The following PXDNL variants were observed in gnomAD, a reference collection of about 807,000 sequenced individuals.
PXDNL encodes probable oxidoreductase PXDNL.
PXDNL carries 145 observed loss-of-function variants against 150.8 expected under a neutral mutation model. The ratio of observed to expected loss-of-function variants is 0.96; its 90% CI spans 0.84 to 1.10. The LOEUF (loss-of-function observed/expected upper bound fraction) is 1.10, where lower values mean the gene tolerates loss of function less well. PXDNL is among the 50% of genes least tolerant of loss of function. PXDNL has a pLI of 0.00. For synonymous variants in PXDNL, 757 were observed against 725.7 expected, an observed-to-expected ratio of 1.04 and a Z score of -0.69; for missense variants, 2,087 against 1,873.9, an observed-to-expected ratio of 1.11 and a Z score of -2.10.
At chr8:51,549,606 T>A (rs76224652) in intron 4 of PXDNL, among the ~76,000 whole-genome samples, 1,631 of 152,154 alleles carry the variant, frequency 0.011, 30 homozygotes, top group African/African-American at 0.037. Context: ...TAAATCAAGA[T>A]GGAAATTGAA....
intron 4 of PXDNL, among the ~76,000 whole-genome samples, chr8:51,515,165 A>G (rs1811508688): frequency 6.6e-6 from 1 of 152,164 alleles, no homozygotes; most frequent in Non-Finnish European, 1.5e-5. Flanking sequence ...GGAAGGGGGC[A>G]AGGACAGTGA....
intron 5 of PXDNL, 146 bp from the exon 6 acceptor site, chr8:51,483,860 T>C (rs1171645394): frequency 6.8e-6 from 4 of 592,060 alleles, no homozygotes; most frequent in Non-Finnish European, 1.2e-5. Context: ...GTGTCATTTA[T>C]ACAACCATCT....
chr8:51,780,911 C>T (rs78291984), intron 1 of PXDNL, among the ~76,000 whole-genome samples: 5,437 of 151,322 alleles, frequency 0.036, 315 homozygotes, highest in East Asian at 0.29. Context: ...CCACCTGCCT[C>T]GGCCTCCCAG....
intron 5 of PXDNL, among the ~76,000 whole-genome samples, chr8:51,491,898 T>C (rs1307115975): frequency 6.6e-6 from 1 of 152,242 alleles, no homozygotes; most frequent in African/African-American, 2.4e-5. Context: ...ACCAGGGCTG[T>C]CCTGCACAGG....
chr8:51,652,934 A>T (rs1815072080), intron 2 of PXDNL, among the ~76,000 whole-genome samples: 1 of 152,234 alleles, frequency 6.6e-6, no homozygotes, highest in Non-Finnish European at 1.5e-5. Flanking sequence ...AAAAGTGGCC[A>T]AACCCCAATA....
chr8:51,371,241 G>C (rs1445968094), intron 19 of PXDNL, among the ~76,000 whole-genome samples: 2 of 152,178 alleles, frequency 1.3e-5, no homozygotes, highest in East Asian at 3.9e-4. Flanking sequence ...TTTGGACTTT[G>C]AGAAAGTCAT....
At chr8:51,503,587 T>TA (rs1811229268) in intron 4 of PXDNL, among the ~76,000 whole-genome samples, 3 of 152,182 alleles carry the variant, frequency 2.0e-5, no homozygotes, top group Admixed American at 2.0e-4. Context: ...AGGCTGTGGA[T>TA]AACCCTGCCA....
At chr8:51,577,926 AG>A (rs1467515260) in intron 3 of PXDNL, among the ~76,000 whole-genome samples, 3 of 35,532 alleles carry the variant, frequency 8.4e-5, no homozygotes, top group Non-Finnish European at 6.2e-5. Context: ...AAGAAAGAAA[AG>A]AAAGAAAGAA....
chr8:51,694,060 A>G (rs146866071), intron 1 of PXDNL, among the ~76,000 whole-genome samples: 2,611 of 152,286 alleles, frequency 0.017, 45 homozygotes, highest in Admixed American at 0.058. Flanking sequence ...CCTTCCACCC[A>G]CCAATGGGAG....
intron 6 of PXDNL, among the ~76,000 whole-genome samples, chr8:51,482,327 T>C (rs1450703181): frequency 6.6e-6 from 1 of 152,198 alleles, no homozygotes; most frequent in African/African-American, 2.4e-5. Context: ...GGAATGACTG[T>C]ATTTACCCAA....
chr8:51,720,847 T>C (rs933489787), intron 1 of PXDNL, among the ~76,000 whole-genome samples: 6 of 152,238 alleles, frequency 3.9e-5, no homozygotes, highest in African/African-American at 1.4e-4. Context: ...GGCTCCTGCC[T>C]AGGCCGGTGA....
chr8:51,496,264 T>C (rs935937648), intron 5 of PXDNL, among the ~76,000 whole-genome samples: 3 of 152,220 alleles, frequency 2.0e-5, no homozygotes, highest in Non-Finnish European at 4.4e-5. Flanking sequence ...AAATTAGGTA[T>C]TGATGAGATG....
intron 12 of PXDNL, among the ~76,000 whole-genome samples, chr8:51,428,603 G>A (rs1015912995): frequency 4.6e-5 from 7 of 152,170 alleles, no homozygotes; most frequent in Non-Finnish European, 8.8e-5. Flanking sequence ...AAGAGCAGAA[G>A]CAGTTCACTG....
chr8:51,677,159 T>C (rs1157679613), intron 1 of PXDNL, among the ~76,000 whole-genome samples: 1 of 152,218 alleles, frequency 6.6e-6, no homozygotes, highest in East Asian at 1.9e-4. Context: ...GGAAAATACT[T>C]AGTAAGCATT....
chr8:51,352,482 A>G (rs1806382811), intron 19 of PXDNL, among the ~76,000 whole-genome samples: 1 of 152,134 alleles, frequency 6.6e-6, no homozygotes, highest in African/African-American at 2.4e-5. Flanking sequence ...TGATTGGACC[A>G]TGAGGGTGGT....
chr8:51,390,196 T>C (rs1286357980), intron 17 of PXDNL, among the ~76,000 whole-genome samples: 1 of 152,166 alleles, frequency 6.6e-6, no homozygotes, highest in Non-Finnish European at 1.5e-5. Flanking sequence ...TGAAAGTAAA[T>C]GTTGACTCAA....
At chr8:51,566,255 G>T (rs1020995855) in intron 3 of PXDNL, among the ~76,000 whole-genome samples, 1 of 151,696 alleles carries the variant, frequency 6.6e-6, no homozygotes, top group Admixed American at 6.6e-5. Context: ...ATTATTTCCT[G>T]TAATATATTT....
chr8:51,478,382 G>A (rs1191356191), intron 6 of PXDNL, among the ~76,000 whole-genome samples: 2 of 152,108 alleles, frequency 1.3e-5, no homozygotes, highest in Non-Finnish European at 2.9e-5. Flanking sequence ...TATATTCTCT[G>A]CTCAATGAAA....
intron 1 of PXDNL, among the ~76,000 whole-genome samples, chr8:51,718,652 G>T (rs1227110047): frequency 6.6e-6 from 1 of 152,140 alleles, no homozygotes; most frequent in East Asian, 1.9e-4. Flanking sequence ...TGAAAAGTAT[G>T]CTGTGACATC....
Sources: allele counts gnomAD v4.1 joint callset (sites outside exome capture counted in the v4.1 genomes callset), GRCh38; gene constraint gnomAD v4.1.1; transcripts MANE v1.5; gene names NCBI Gene and HGNC (gene_info 2026-07-23, HGNC 2026-07-21).